The following EPHA6 variants were observed in gnomAD, a reference collection of about 807,000 sequenced individuals.
EPHA6 encodes the protein ephrin type-A receptor 6.
Under a neutral mutation model 112.0 loss-of-function variants are expected in EPHA6, and 50 were observed. That is an observed-to-expected ratio of 0.45 (90% CI 0.36 to 0.56). The LOEUF is 0.56. Ranked by LOEUF, EPHA6 falls within the 20% of genes least tolerant of loss-of-function variation. The pLI is 0.00. For synonymous variants in EPHA6, 529 were observed against 490.7 expected, an observed-to-expected ratio of 1.08 and a Z score of -1.03; for missense variants, 1,280 against 1,417.4, an observed-to-expected ratio of 0.90 and a Z score of 1.56.
intron 2 of EPHA6, among the ~76,000 whole-genome samples, chr3:96,951,371 G>A (rs568300073): frequency 2.6e-4 from 39 of 152,108 alleles, no homozygotes; most frequent in African/African-American, 7.7e-4. Flanking sequence ...CATTTATAAA[G>A]TAATCATTAC....
intron 5 of EPHA6, among the ~76,000 whole-genome samples, chr3:97,383,572 C>T (rs534671717): frequency 4.6e-5 from 7 of 152,020 alleles, no homozygotes; most frequent in East Asian, 3.9e-4. Flanking sequence ...TGGAGAATTG[C>T]GAGAAAGTAT....
chr3:97,704,077 G>T (rs1207897888), intron 14 of EPHA6, among the ~76,000 whole-genome samples: 1 of 152,068 alleles, frequency 6.6e-6, no homozygotes. Context: ...AAAGTGGATT[G>T]CTTTTTAAAT....
At chr3:97,222,514 T>C (rs2078238033) in intron 3 of EPHA6, among the ~76,000 whole-genome samples, 1 of 152,200 alleles carries the variant, frequency 6.6e-6, no homozygotes, top group Non-Finnish European at 1.5e-5. Context: ...TTAATAATAA[T>C]TTCAAATGGA....
At chr3:97,141,926 TTGCAGC>T (rs2075916773) in intron 3 of EPHA6, among the ~76,000 whole-genome samples, 1 of 152,004 alleles carries the variant, frequency 6.6e-6, no homozygotes, top group Non-Finnish European at 1.5e-5. Flanking sequence ...CTGGTGGTGC[TTGCAGC>T]TGCAGTGTTT....
At chr3:97,616,731 G>GA (rs898191639) in intron 13 of EPHA6, among the ~76,000 whole-genome samples, 6 of 151,392 alleles carry the variant, frequency 4.0e-5, no homozygotes, top group Non-Finnish European at 8.8e-5. Context: ...CAAGAATAGA[G>GA]AAAAAAAATG....
chr3:97,038,331 G>A (rs866376258), intron 3 of EPHA6, among the ~76,000 whole-genome samples: 5 of 151,904 alleles, frequency 3.3e-5, no homozygotes, highest in Middle Eastern at 3.4e-3. Flanking sequence ...TTCCTGGACT[G>A]TGGTAACCAC....
At chr3:97,177,147 G>A (rs2076858533) in intron 3 of EPHA6, among the ~76,000 whole-genome samples, 2 of 151,764 alleles carry the variant, frequency 1.3e-5, no homozygotes, top group South Asian at 2.1e-4. Context: ...TGTTCATTCT[G>A]GAGCATATAG....
intron 2 of EPHA6, among the ~76,000 whole-genome samples, chr3:96,982,573 G>T (rs575373251): frequency 6.6e-6 from 1 of 152,118 alleles, no homozygotes; most frequent in Non-Finnish European, 1.5e-5. Flanking sequence ...TATTAGGTCC[G>T]CTTGGTGCAG....
intron 6 of EPHA6, among the ~76,000 whole-genome samples, chr3:97,417,571 CAAAACTTAAGGGAGAATTT>C (rs2088231684): frequency 6.6e-6 from 1 of 151,570 alleles, no homozygotes; most frequent in East Asian, 1.9e-4. Flanking sequence ...TTTGTTTTTA[CAAAACTTAAGGGAGAATTT>C]CAAGGACTTG....
At chr3:97,063,159 A>G (rs1368678487) in intron 3 of EPHA6, among the ~76,000 whole-genome samples, 1 of 152,200 alleles carries the variant, frequency 6.6e-6, no homozygotes, top group East Asian at 1.9e-4. Flanking sequence ...TCAAAGACCT[A>G]GAGACAGAAA....
intron 3 of EPHA6, among the ~76,000 whole-genome samples, chr3:97,014,280 A>G (rs1440110993): frequency 6.6e-6 from 1 of 152,016 alleles, no homozygotes; most frequent in Admixed American, 6.6e-5. Flanking sequence ...ATGATTTTTC[A>G]GAATTTTACT....
intron 5 of EPHA6, among the ~76,000 whole-genome samples, chr3:97,260,808 A>G (rs1420341088): frequency 6.6e-6 from 1 of 152,168 alleles, no homozygotes; most frequent in African/African-American, 2.4e-5. Flanking sequence ...CAGCTGTTGG[A>G]TCTTAACTGC....
intron 13 of EPHA6, among the ~76,000 whole-genome samples, chr3:97,615,828 C>T (rs1340821902): frequency 6.6e-6 from 1 of 152,150 alleles, no homozygotes; most frequent in Non-Finnish European, 1.5e-5. Context: ...TTGAATTCTC[C>T]CTGGTATGGA....
At chr3:97,188,079 G>A (rs2077203224) in intron 3 of EPHA6, among the ~76,000 whole-genome samples, 1 of 152,090 alleles carries the variant, frequency 6.6e-6, no homozygotes, top group African/African-American at 2.4e-5. Flanking sequence ...GTAATGTTTA[G>A]TAAAGCTGTG....
intron 12 of EPHA6, among the ~76,000 whole-genome samples, chr3:97,605,637 T>G (rs1358470904): frequency 6.6e-6 from 1 of 151,798 alleles, no homozygotes; most frequent in Non-Finnish European, 1.5e-5. Flanking sequence ...ACCCTGCTGT[T>G]TTGGTTACTG....
intron 5 of EPHA6, among the ~76,000 whole-genome samples, chr3:97,272,263 T>C (rs1352035536): frequency 2.0e-5 from 3 of 152,126 alleles, no homozygotes; most frequent in Admixed American, 6.5e-5. Context: ...TGGCAGCATC[T>C]CTTTCTTTTT....
intron 5 of EPHA6, among the ~76,000 whole-genome samples, chr3:97,344,103 C>T (rs572146646): frequency 3.7e-4 from 57 of 152,188 alleles, no homozygotes; most frequent in South Asian, 1.2e-3. Context: ...GAGGGGAGTT[C>T]TGACTCAGAA....
At chr3:97,144,733 T>C (rs1012267983) in intron 3 of EPHA6, among the ~76,000 whole-genome samples, 1 of 151,470 alleles carries the variant, frequency 6.6e-6, no homozygotes, top group Non-Finnish European at 1.5e-5. Flanking sequence ...AATATAAGAG[T>C]AACTTTTCTA....
chr3:96,832,224 G>A (rs1010864123), intron 1 of EPHA6, among the ~76,000 whole-genome samples: 2 of 151,936 alleles, frequency 1.3e-5, no homozygotes, highest in African/African-American at 4.8e-5. Flanking sequence ...TTAAAAACTC[G>A]ATTTAGAAGT....
Sources: gnomAD v4.1 joint callset for allele counts (sites outside exome capture counted in the v4.1 genomes callset) on GRCh38, gnomAD v4.1.1 for gene constraint, MANE v1.5 for transcripts, NCBI Gene and HGNC (gene_info 2026-07-23, HGNC 2026-07-21) for gene names.